VEZT: variants seen among roughly 807,000 people sequenced by gnomAD.
VEZT encodes vezatin, adherens junctions transmembrane protein, also known as vezatin.
Under a neutral mutation model 79.9 loss-of-function variants are expected in VEZT, and 39 were observed. The ratio of observed to expected loss-of-function variants is 0.49; its 90% CI spans 0.38 to 0.64. The LOEUF (loss-of-function observed/expected upper bound fraction) is 0.64, where lower values mean the gene tolerates loss of function less well. VEZT is among the 30% of genes least tolerant of loss of function. The pLI is 0.00. For missense variants in VEZT, 837 were observed against 893.1 expected (o/e 0.94, Z 0.80); for synonymous variants, 325 against 327.6 (o/e 0.99, Z 0.09).
At chr12:95,286,658 G>T in intron 8 of VEZT, 1 of 398,414 alleles carries the variant, frequency 2.5e-6, no homozygotes, top group East Asian at 6.2e-5. Flanking sequence ...ATTTTCTTCA[G>T]GTTCCAAAGT....
intron 1 of VEZT, chr12:95,231,339 T>C (rs952462325): frequency 3.3e-5 from 5 of 152,212 alleles, no homozygotes; most frequent in Admixed American, 3.3e-4. Flanking sequence ...TGTTCAGATT[T>C]TTTTTCAGAG....
intron 6 of VEZT, among the ~76,000 whole-genome samples, chr12:95,274,181 G>A (rs1276733045): frequency 2.0e-5 from 3 of 152,124 alleles, no homozygotes; most frequent in Non-Finnish European, 2.9e-5. Flanking sequence ...CAAAAATAAC[G>A]GAGCTGAGCG....
chr12:95,271,417 C>T (rs996700989), intron 6 of VEZT, among the ~76,000 whole-genome samples: 2 of 151,974 alleles, frequency 1.3e-5, no homozygotes, highest in African/African-American at 2.4e-5. Flanking sequence ...ATATAAGTGC[C>T]GTGGGTGCCT....
Position 95,236,329 on chromosome 12 carries a change from A to C in VEZT, c.37-15611A>C, listed in dbSNP as rs536388569. Among the ~76,000 whole-genome samples the C allele has an allele frequency of 9.8e-5, 15 of 152,290 alleles. No homozygotes were observed. In the South Asian group the frequency reaches 3.1e-3, roughly 32 times the overall value. On this transcript the variant is annotated intron_variant, in intron 1 of 11. Transcript: ENST00000436874. ...TCGCAGGCACTGGGCAGGCTGAGGC[A>C]GGAGAATCAGGCAGGGAGGTTGCAG...
chr12:95,225,102 T>G (rs2058227321), intron 1 of VEZT, among the ~76,000 whole-genome samples: 1 of 152,200 alleles, frequency 6.6e-6, no homozygotes. Flanking sequence ...TGTGCAGGCC[T>G]GGGGGTTGAG....
intron 1 of VEZT, among the ~76,000 whole-genome samples, chr12:95,244,618 G>A (rs926805730): frequency 1.3e-5 from 2 of 148,630 alleles, no homozygotes; most frequent in Non-Finnish European, 3.0e-5. Flanking sequence ...GACAAGATCT[G>A]GCCCTGTCAT....
intron 11 of VEZT, among the ~76,000 whole-genome samples, chr12:95,298,409 A>G (rs957812808): frequency 6.6e-6 from 1 of 152,156 alleles, no homozygotes; most frequent in Non-Finnish European, 1.5e-5. Context: ...GCCTACATAC[A>G]TCAGAGATTA....
chr12:95,267,712 C>G (rs2065800042), intron 5 of VEZT, among the ~76,000 whole-genome samples: 1 of 152,182 alleles, frequency 6.6e-6, no homozygotes, highest in Admixed American at 6.5e-5. Context: ...TATAATTTCT[C>G]TTTCTTCTCA....
At chr12:95,239,031 A>G (rs531802110) in intron 1 of VEZT, among the ~76,000 whole-genome samples, 2 of 152,330 alleles carry the variant, frequency 1.3e-5, no homozygotes, top group South Asian at 4.1e-4. Flanking sequence ...TTCCATTTGT[A>G]TAGAAATTTT....
At chr12:95,297,222 A>G (rs1182539855) in intron 11 of VEZT, among the ~76,000 whole-genome samples, 1 of 152,212 alleles carries the variant, frequency 6.6e-6, no homozygotes, top group Non-Finnish European at 1.5e-5. Flanking sequence ...ACTTGACAGT[A>G]TCAACCTAGC....
intron 2 of VEZT, 38 bp from the exon 3 acceptor site, chr12:95,257,112 T>G: frequency 6.6e-7 from 1 of 1,524,964 alleles, no homozygotes. Flanking sequence ...TTGGGTATGC[T>G]TTTAATAATC....
intron 9 of VEZT, chr12:95,293,635 G>A (rs985499109): frequency 6.6e-6 from 1 of 152,288 alleles, no homozygotes; most frequent in East Asian, 1.9e-4. Context: ...GTGATGGTCT[G>A]TCTTAAGACT....
At chr12:95,273,507 G>T (rs1394714479) in intron 6 of VEZT, among the ~76,000 whole-genome samples, 1 of 152,174 alleles carries the variant, frequency 6.6e-6, no homozygotes, top group African/African-American at 2.4e-5. Context: ...GAGGTGGAAA[G>T]TAGTTTTTGC....
rs1195394460 is a variant in VEZT, at chr12:95,300,147, C to A, written c.1832-18C>A. ...TCCTTAGTTATTTTTTTTCTTTTTTCTTTTTTTTTATTTGAAGCCGTGTTG... is the reference window on the plus strand; with the variant it reads ...TCCTTAGTTATTTTTTTTCTTTTTTATTTTTTTTTATTTGAAGCCGTGTTG... On this transcript the variant is annotated intron_variant, in intron 11 of 11. Transcript: ENST00000436874. 1 of 1,326,944 alleles carries A rather than the reference C, an allele frequency of 7.5e-7. No homozygotes were observed. The highest frequency in any genetic ancestry group is 9.8e-7 in the Non-Finnish European group (1 of 1,021,452). The allele number at this position is 1,326,944 out of a possible 1,614,324, so 82.2% of individuals were successfully genotyped here.
intron 1 of VEZT, chr12:95,231,681 A>G (rs2136884929): frequency 6.6e-6 from 1 of 152,254 alleles, no homozygotes; most frequent in South Asian, 2.1e-4. Context: ...TAATTTAGAT[A>G]TTATGTTGAA....
chr12:95,268,414 C>T (rs2065944058), intron 5 of VEZT, among the ~76,000 whole-genome samples: 1 of 152,092 alleles, frequency 6.6e-6, no homozygotes, highest in Non-Finnish European at 1.5e-5. Context: ...AGGAGAATGG[C>T]ATGAACCCGG....
intron 1 of VEZT, chr12:95,224,273 G>C (rs945599573): frequency 2.2e-6 from 1 of 455,732 alleles, no homozygotes. Flanking sequence ...TTCCCTCTAC[G>C]GCTACTATTT....
intron 1 of VEZT, among the ~76,000 whole-genome samples, chr12:95,248,064 G>C (rs938846110): frequency 6.6e-6 from 1 of 152,312 alleles, no homozygotes; most frequent in African/African-American, 2.4e-5. Flanking sequence ...TGGTAAGCCA[G>C]ATTTTTCCAG....
chr12:95,236,024 G>C (rs1018865743), intron 1 of VEZT, among the ~76,000 whole-genome samples: 1 of 151,948 alleles, frequency 6.6e-6, no homozygotes, highest in African/African-American at 2.4e-5. Context: ...ACGGGGTGGC[G>C]GCTGGGCAGA....
Sources: allele counts gnomAD v4.1 joint callset (sites outside exome capture counted in the v4.1 genomes callset), GRCh38; gene constraint gnomAD v4.1.1; transcripts MANE v1.5; gene names NCBI Gene and HGNC (gene_info 2026-07-23, HGNC 2026-07-21).